Variants in HIRA observed in about 807,000 individuals in gnomAD.
HIRA encodes histone cell cycle regulator.
A neutral mutation model predicts 126.6 loss-of-function variants in HIRA; 13 were observed. That is an observed-to-expected ratio of 0.10 (90% CI 0.07 to 0.16). The LOEUF is 0.16. Ranked by LOEUF, HIRA falls within the 10% of genes least tolerant of loss-of-function variation. HIRA has a pLI of 1.00. For missense variants in HIRA, 834 were observed against 1,314.4 expected, an observed-to-expected ratio of 0.63 and a Z score of 5.65; for synonymous variants, 511 against 520.0, an observed-to-expected ratio of 0.98 and a Z score of 0.24.
chr22:19,379,766 T>C (rs1188330962), intron 13 of HIRA, among the ~76,000 whole-genome samples: 1 of 151,936 alleles, frequency 6.6e-6, no homozygotes, highest in Admixed American at 6.5e-5. Flanking sequence ...AAAAATTCCT[T>C]ATATGGTAGG....
At chr22:19,353,603 A>G (rs1460846642) in intron 22 of HIRA, 84 bp from the exon 23 acceptor site, 2 of 1,383,672 alleles carry the variant, frequency 1.4e-6, no homozygotes, top group East Asian at 4.8e-5. Context: ...ACAGGCAAGG[A>G]GCTGGCAGGA....
intron 4 of HIRA, among the ~76,000 whole-genome samples, chr22:19,406,489 C>G (rs1601849963): frequency 6.6e-6 from 1 of 152,186 alleles, no homozygotes; most frequent in East Asian, 1.9e-4. Context: ...CACCTGGGGC[C>G]TGGTGGAGGC....
intron 12 of HIRA, 62 bp downstream of exon 12, chr22:19,385,459 G>A: frequency 6.7e-7 from 1 of 1,486,400 alleles, no homozygotes; most frequent in Non-Finnish European, 9.3e-7. Flanking sequence ...ACTGGTGTCT[G>A]CCCCTCACCC....
chr22:19,419,644 C>CT (rs2089427765), intron 1 of HIRA, among the ~76,000 whole-genome samples: 1 of 152,200 alleles, frequency 6.6e-6, no homozygotes, highest in Non-Finnish European at 1.5e-5. Flanking sequence ...GCTCTTTTGT[C>CT]TGTTTTATTC....
At chr22:19,413,526 CT>C (rs2056012523) in intron 1 of HIRA, among the ~76,000 whole-genome samples, 1 of 152,134 alleles carries the variant, frequency 6.6e-6, no homozygotes, top group South Asian at 2.1e-4. Context: ...GGCTCCCCGC[CT>C]CCTTACAGCA....
chr22:19,428,740 T>G (rs1440845267), intron 1 of HIRA, among the ~76,000 whole-genome samples: 1 of 152,070 alleles, frequency 6.6e-6, no homozygotes, highest in African/African-American at 2.4e-5. Flanking sequence ...TGAGCCCAGG[T>G]ATTTGAGTCT....
intron 24 of HIRA, among the ~76,000 whole-genome samples, chr22:19,342,308 T>C (rs1313244615): frequency 1.3e-5 from 2 of 152,126 alleles, no homozygotes; most frequent in African/African-American, 4.8e-5. Context: ...AAAATAGATA[T>C]TAGCATGGAG....
At chr22:19,422,199 C>CAT (rs1169116486) in intron 1 of HIRA, among the ~76,000 whole-genome samples, 21 of 139,462 alleles carry the variant, frequency 1.5e-4, no homozygotes, top group South Asian at 2.7e-4. Context: ...CACACATACA[C>CAT]ATATATATAT....
At chr22:19,422,807 C>T (rs1601862650) in intron 1 of HIRA, among the ~76,000 whole-genome samples, 1 of 152,198 alleles carries the variant, frequency 6.6e-6, no homozygotes, top group Non-Finnish European at 1.5e-5. Flanking sequence ...GCCCCAACAG[C>T]TCCCTGTAGT....
chr22:19,337,940 T>C (rs782245863), intron 24 of HIRA, among the ~76,000 whole-genome samples: 1 of 152,098 alleles, frequency 6.6e-6, no homozygotes, highest in Non-Finnish European at 1.5e-5. Flanking sequence ...TACAGGCCCC[T>C]GCCACCAGGC....
Position 19,359,329 on chromosome 22 carries a change from C to T in HIRA, c.2234+7G>A. On this transcript the variant is annotated splice_region_variant and intron_variant, in intron 18 of 24. Transcript: ENST00000263208. Reference sequence around the variant, plus strand: ...CCTGGGCCGGCTAAGGACCTGCCCACCCTTACCAGCTGCCCGCAGCAGTGA... The same window carrying T: ...CCTGGGCCGGCTAAGGACCTGCCCATCCTTACCAGCTGCCCGCAGCAGTGA... The T allele has an allele frequency of 6.4e-7, 1 of 1,569,700 alleles. No individual in the cohort carries two copies. Among genetic ancestry groups the T allele is most frequent in the Non-Finnish European group, 8.6e-7 (1 of 1,157,426 alleles).
At chr22:19,431,323 G>C in intron 1 of HIRA, 117 bp downstream of exon 1, 1 of 1,190,694 alleles carries the variant, frequency 8.4e-7, no homozygotes, top group Non-Finnish European at 1.2e-6. Flanking sequence ...TCTTGGCTTG[G>C]GCACCGGGTA....
intron 1 of HIRA, among the ~76,000 whole-genome samples, chr22:19,420,422 C>T (rs1321443789): frequency 4.4e-5 from 6 of 135,336 alleles, no homozygotes; most frequent in South Asian, 4.9e-4. Flanking sequence ...GCCGTGATCA[C>T]GCCACTGCAC....
intron 1 of HIRA, among the ~76,000 whole-genome samples, chr22:19,413,983 T>C (rs547572284): frequency 1.2e-4 from 19 of 152,208 alleles, no homozygotes; most frequent in African/African-American, 4.6e-4. Context: ...GCTGAGCTAG[T>C]TAGACAACTC....
intron 1 of HIRA, among the ~76,000 whole-genome samples, chr22:19,415,911 A>G (rs1056179997): frequency 1.3e-5 from 2 of 152,226 alleles, no homozygotes; most frequent in Non-Finnish European, 2.9e-5. Context: ...TTCACATGGA[A>G]TCTTAAGGGA....
intron 11 of HIRA, among the ~76,000 whole-genome samples, chr22:19,386,234 C>T (rs750537828): frequency 6.6e-5 from 10 of 152,192 alleles, no homozygotes; most frequent in Admixed American, 1.3e-4. Context: ...AGGCCTGGCA[C>T]AGCAGGGCTG....
At chr22:19,339,940 C>T (rs188838841) in intron 24 of HIRA, among the ~76,000 whole-genome samples, 11 of 152,262 alleles carry the variant, frequency 7.2e-5, no homozygotes, top group African/African-American at 2.6e-4. Context: ...TTCTATTGAA[C>T]ATTCAAAGAA....
intron 6 of HIRA, 44 bp from the exon 7 acceptor site, chr22:19,396,991 AC>A (rs1322469376): frequency 1.3e-6 from 2 of 1,586,076 alleles, no homozygotes; most frequent in Admixed American, 1.7e-5. Flanking sequence ...TCTGAGGGAA[AC>A]ATGACCTGCA....
chr22:19,431,195 G>A (rs1429224389), intron 1 of HIRA, among the ~76,000 whole-genome samples: 2 of 152,220 alleles, frequency 1.3e-5, no homozygotes, highest in African/African-American at 4.8e-5. Context: ...CAGGTGGGCA[G>A]CGGAAGACTC....
Sources: gnomAD v4.1 joint callset for allele counts (sites outside exome capture counted in the v4.1 genomes callset) on GRCh38, gnomAD v4.1.1 for gene constraint, MANE v1.5 for transcripts, NCBI Gene and HGNC (gene_info 2026-07-23, HGNC 2026-07-21) for gene names.